Variants in RDM1 observed in about 807,000 individuals in gnomAD.
RDM1 encodes the protein RAD52 motif containing 1.
Under a neutral mutation model 27.7 loss-of-function variants are expected in RDM1, and 28 were observed. That is an observed-to-expected ratio of 1.01 (90% confidence interval 0.75 to 1.39). The LOEUF (loss-of-function observed/expected upper bound fraction) is 1.39, where lower values mean the gene tolerates loss of function less well. RDM1 is among the 40% of genes most tolerant of loss of function. The pLI is 0.00. For synonymous variants in RDM1, 124 were observed against 127.5 expected (o/e 0.97, Z 0.19); for missense variants, 277 against 337.3 (o/e 0.82, Z 1.40).
chr17:35,919,719 AAGAT>A (rs2088872781), intron 6 of RDM1, among the ~76,000 whole-genome samples: 1 of 152,254 alleles, frequency 6.6e-6, no homozygotes, highest in Admixed American at 6.5e-5. Flanking sequence ...GATTTACAGA[AAGAT>A]CTCAGCAAAA....
chr17:35,930,432 G>T, intron 1 of RDM1, 177 bp from the exon 2 acceptor site: 2 of 962,908 alleles, frequency 2.1e-6, no homozygotes, highest in Non-Finnish European at 1.5e-6. Flanking sequence ...AAGGTAAAAC[G>T]TTCTGAAGGT....
In RDM1 at chr17:35,920,213, C is replaced by T. The variant is rs760500675; in HGVS notation, c.727G>A (p.Glu243Lys). 19 of 1,598,270 alleles carry T rather than the reference C, an allele frequency of 1.2e-5. No homozygotes were observed. The highest frequency in any genetic ancestry group is 1.0e-4 in the Admixed American group (6 of 58,784). The change falls in exon 6 of 7, where the codon GAA (glutamate) becomes AAA (lysine). Residue 243 changes from glutamate (E) to lysine (K), a missense_variant. Transcript: ENST00000620284. ...PSEDIVGVRC[E>K]EELHGLIQVP... The stretch of plus-strand genomic sequence containing the variant: ...TGAATTAAACCGTGTAGTTCTTCTT[C>T]GCATCTGACACCTACGATGTCTTCA...
chr17:35,924,871 C>T (rs1360269713), intron 3 of RDM1, 99 bp from the exon 4 acceptor site: 34 of 1,205,190 alleles, frequency 2.8e-5, no homozygotes, highest in Non-Finnish European at 3.6e-5. Flanking sequence ...CGTGGTGGTT[C>T]ACGCCTGTAA....
rs192446175 is a variant in RDM1, at chr17:35,929,977, G to A, written c.276+99C>T. On this transcript the variant is annotated intron_variant, in intron 2 of 6. Coordinates refer to ENST00000620284, the MANE Select transcript of RDM1 (RefSeq NM_145654.4). ...GGAAGATTAGTGTGGCAATGCATCT[G>A]AAAATATTCTGTAAACCAGCGTGCT... is the stretch of plus-strand genomic sequence containing the variant. The A allele has an allele frequency of 5.2e-4, 601 of 1,145,834 alleles. 3 individuals carry two copies. In the African/African-American group the frequency reaches 8.4e-3, roughly 16 times the overall value. 71.0% of individuals were successfully genotyped at this position (1,145,834 alleles called of 1,614,324 possible).
In RDM1 at chr17:35,930,109, G is replaced by T; in HGVS notation, c.243C>A (p.Asp81Glu). The T allele has an allele frequency of 6.2e-7, 1 of 1,614,036 alleles. No individual in the cohort carries two copies. Among genetic ancestry groups the T allele is most frequent in the Non-Finnish European group, 8.5e-7 (1 of 1,179,962 alleles). ...RAAHRAQKAC[D>E]RKQLFQKSPV... ...GAGATTTCTGAAAAAGCTGCTTCCG[G>T]TCGCATGCCTTTTGGGCTCTGTGGG... Residue 81 changes from aspartate to glutamate, a missense_variant, in exon 2 of 7, where the codon GAC (aspartate) becomes GAA (glutamate). Physicochemically the swap from Asp to Glu is conservative, Grantham distance 45. Transcript: ENST00000620284.
intron 4 of RDM1, 128 bp from the exon 5 acceptor site, chr17:35,922,803 G>A: frequency 1.4e-6 from 1 of 690,306 alleles, no homozygotes; most frequent in African/African-American, 1.8e-5. Flanking sequence ...GATGGCACAA[G>A]CGTATGGTTG....
At chr17:35,922,348 T>C (rs917362809) in intron 5 of RDM1, 2 of 509,010 alleles carry the variant, frequency 3.9e-6, no homozygotes, top group Non-Finnish European at 6.8e-6. Flanking sequence ...CTGTGGGAAC[T>C]GAGGCAAGTC....
At chr17:35,928,450 C>T (rs549417467) in intron 2 of RDM1, among the ~76,000 whole-genome samples, 2 of 152,272 alleles carry the variant, frequency 1.3e-5, no homozygotes, top group Non-Finnish European at 2.9e-5. Context: ...CACACCCACA[C>T]ATTTTAAATT....
chr17:35,922,816 T>G (rs1286267508), intron 4 of RDM1, 141 bp from the exon 5 acceptor site: 2 of 646,518 alleles, frequency 3.1e-6, no homozygotes, highest in Non-Finnish European at 5.2e-6. Flanking sequence ...TATGGTTGAA[T>G]GGCTCTGTTA....
chr17:35,922,360 T>C (rs749945209), intron 5 of RDM1: 110 of 548,688 alleles, frequency 2.0e-4, no homozygotes, highest in Non-Finnish European at 3.2e-4. Flanking sequence ...AGGCAAGTCT[T>C]TTCACATCTG....
intron 2 of RDM1, among the ~76,000 whole-genome samples, chr17:35,929,293 C>T (rs1289495505): frequency 6.6e-6 from 1 of 152,198 alleles, no homozygotes; most frequent in Non-Finnish European, 1.5e-5. Context: ...TAGGGTTTCA[C>T]TCTGTGGCCC....
At chr17:35,930,409 T>A in intron 1 of RDM1, 154 bp from the exon 2 acceptor site, 3 of 1,082,082 alleles carry the variant, frequency 2.8e-6, no homozygotes, top group Non-Finnish European at 2.7e-6. Flanking sequence ...TCCTAAACTT[T>A]AAGAAGCACT....
At position 35,918,280 on chromosome 17, in the gene RDM1, T is replaced by C; in HGVS notation, c.*62A>G. Reference sequence around the variant, plus strand: ...CCTATAGTGGTGGGGCGGCGTGGGGTAGGGGCACGACAGAGCTTCCCAAGG... The same window carrying C: ...CCTATAGTGGTGGGGCGGCGTGGGGCAGGGGCACGACAGAGCTTCCCAAGG... On this transcript the variant is annotated 3_prime_UTR_variant, in exon 7 of 7. Transcript: ENST00000620284. 1 of 1,420,956 alleles carries C rather than the reference T, an allele frequency of 7.0e-7. No individual in the cohort carries two copies. The highest frequency in any genetic ancestry group is 9.9e-7 in the Non-Finnish European group (1 of 1,010,362). The allele number at this position is 1,420,956 out of a possible 1,614,324, so 88.0% of individuals were successfully genotyped here.
rs1429150978 is a variant in RDM1 at position 35,925,656 on chromosome 17, G to T, written c.277-19C>A. 6.2e-7 allele frequency: 1 copy of T among 1,601,550 alleles called. No individual in the cohort carries two copies. The highest frequency in any genetic ancestry group is 8.5e-7 in the Non-Finnish European group (1 of 1,172,698). ...GACGAACCTAAAATCATAGGAGATA[G>T]ACCCATAAATATCACAACCGCTAGA... On this transcript the variant is annotated intron_variant, in intron 2 of 6. Coordinates refer to ENST00000620284, the MANE Select transcript of RDM1 (RefSeq NM_145654.4).
At position 35,926,950 on chromosome 17, in the gene RDM1, C is replaced by A. The variant is rs186685389; in HGVS notation, c.277-1313G>T. On this transcript the variant is annotated intron_variant, in intron 2 of 6. Coordinates refer to ENST00000620284, the MANE Select transcript of RDM1 (RefSeq NM_145654.4). ...TGCCTGTTGGGAAAGAAATAAAGAC[C>A]AGTTTTTAAACGTTGAGTGCCACTG... Among the ~76,000 whole-genome samples the A allele has an allele frequency of 2.0e-4, 31 of 151,902 alleles. No homozygotes were observed. The East Asian group carries it at 5.0e-3, about 25-fold the overall frequency.
rs138809711 is a variant in RDM1, at chr17:35,920,235, T to C, written c.705A>G (p.Glu235=). 747 of 1,603,218 alleles carry C rather than the reference T, an allele frequency of 4.7e-4. 3 individuals carry two copies. In the African/African-American group the frequency reaches 8.9e-3, roughly 19 times the overall value. Residue 235 remains glutamate, a synonymous_variant, in exon 6 of 7, where the codon GAA becomes GAG. Transcript: ENST00000620284. ...CTTCGCATCTGACACCTACGATGTC[T>C]TCACTGGGTCTGTACTCCACAGCTA... is the stretch of plus-strand genomic sequence containing the variant. The part of the protein sequence containing the change: ...GKIAVEYRPS[E]DIVGVRCEEE...
rs2088971460 is a variant in RDM1, at chr17:35,922,313, AAAG to A, written c.667+261_667+263del. 3 of 461,372 alleles carry A rather than the reference AAAG, an allele frequency of 6.5e-6. No homozygotes were observed. The South Asian group carries it at 1.2e-4, about 19-fold the overall frequency. 28.6% of individuals were successfully genotyped at this position (461,372 alleles called of 1,614,324 possible). A position where few individuals can be genotyped will look rare whatever the true frequency, so the allele number is the denominator to read the frequency against. On this transcript the variant is annotated intron_variant, in intron 5 of 6. Transcript: ENST00000620284. ...TATTCTGTATGATAGGTAAGCAATT[AAAG>A]AAGACCTGGCTTAAACATTTTCTGT... is the stretch of plus-strand genomic sequence containing the variant.
chr17:35,923,144 A>G (rs2089006861), intron 4 of RDM1, among the ~76,000 whole-genome samples: 1 of 152,030 alleles, frequency 6.6e-6, no homozygotes, highest in African/African-American at 2.4e-5. Context: ...TGAGGCCAGG[A>G]GTTCAAAAAC....
chr17:35,927,115 CA>C (rs955692533), intron 2 of RDM1, among the ~76,000 whole-genome samples: 8,533 of 75,476 alleles, frequency 0.11, 386 homozygotes, highest in African/African-American at 0.29. Flanking sequence ...TTCATTTCAC[CA>C]AAAAAAAAAA....
Sources: allele counts gnomAD v4.1 joint callset (sites outside exome capture counted in the v4.1 genomes callset), GRCh38; gene constraint gnomAD v4.1.1; transcripts MANE v1.5; gene names NCBI Gene and HGNC (gene_info 2026-07-23, HGNC 2026-07-21).